The following MACROD2 variants were observed in gnomAD, a reference collection of about 807,000 sequenced individuals.
MACROD2 encodes mono-ADP ribosylhydrolase 2, also known as ADP-ribose glycohydrolase MACROD2.
A neutral mutation model predicts 70.4 loss-of-function variants in MACROD2; 36 were observed. That is an observed-to-expected ratio of 0.51 (90% CI 0.39 to 0.68). The LOEUF (loss-of-function observed/expected upper bound fraction) is 0.68. Among genes scored for constraint, MACROD2 ranks in the 30% least tolerant of loss-of-function variants. The probability of loss-of-function intolerance (pLI) is 0.00; values close to 1 mark genes in which losing one functional copy is unlikely to be tolerated. For missense variants in MACROD2, 496 were observed against 538.4 expected, an observed-to-expected ratio of 0.92 and a Z score of 0.78; for synonymous variants, 172 against 178.8, an observed-to-expected ratio of 0.96 and a Z score of 0.30.
At chr20:15,150,191 G>A (rs528922714) in intron 5 of MACROD2, among the ~76,000 whole-genome samples, 1 of 152,072 alleles carries the variant, frequency 6.6e-6, no homozygotes, top group South Asian at 2.1e-4. Context: ...TATCTGTGAG[G>A]GCTTGCAGCA....
At chr20:14,439,694 T>C (rs140887884) in intron 3 of MACROD2, among the ~76,000 whole-genome samples, 5 of 152,210 alleles carry the variant, frequency 3.3e-5, no homozygotes, top group African/African-American at 1.2e-4. Flanking sequence ...AATTTAATAA[T>C]GTTATTTACT....
intron 10 of MACROD2, among the ~76,000 whole-genome samples, chr20:15,917,061 A>G (rs1388921866): frequency 1.3e-5 from 2 of 152,262 alleles, no homozygotes; most frequent in East Asian, 3.9e-4. Flanking sequence ...AGCCTCCAGG[A>G]TGTAGTTTGC....
chr20:14,119,815 G>A (rs1050676802), intron 3 of MACROD2, among the ~76,000 whole-genome samples: 4 of 152,136 alleles, frequency 2.6e-5, no homozygotes, highest in Admixed American at 2.6e-4. Context: ...AAGACAGTAT[G>A]TTTGGTCTAA....
intron 5 of MACROD2, among the ~76,000 whole-genome samples, chr20:14,976,055 A>C (rs1261028083): frequency 1.3e-5 from 2 of 152,180 alleles, no homozygotes; most frequent in African/African-American, 2.4e-5. Context: ...CTCCGACTTC[A>C]AAATGTCAAG....
chr20:15,593,258 G>A lies in MACROD2; in HGVS notation c.645+93411G>A, dbSNP rs955241465. 3.9e-5 allele frequency among the ~76,000 whole-genome samples: 6 copies of A among 152,166 alleles called. No individual in the cohort carries two copies. The East Asian group carries it at 5.8e-4, about 15-fold the overall frequency. On this transcript the variant is annotated intron_variant, in intron 8 of 17. Transcript: ENST00000684519. ...ACAGGACTTAATTCTGACACCTTGA[G>A]TCTCTCATGGCAGATTGATAAGGAG... is the stretch of plus-strand genomic sequence containing the variant.
intron 8 of MACROD2, among the ~76,000 whole-genome samples, chr20:15,655,473 A>G (rs1355535469): frequency 6.6e-6 from 1 of 152,104 alleles, no homozygotes; most frequent in African/African-American, 2.4e-5. Context: ...TTTGGGGTTT[A>G]GGTGTGGGGA....
intron 7 of MACROD2, among the ~76,000 whole-genome samples, chr20:15,497,170 T>C (rs2047308661): frequency 1.3e-5 from 2 of 152,292 alleles, no homozygotes. Context: ...TTGCTGGTGC[T>C]GAAGTGTATT....
chr20:15,501,417 T>C (rs1349403296), intron 8 of MACROD2, among the ~76,000 whole-genome samples: 1 of 152,218 alleles, frequency 6.6e-6, no homozygotes, highest in Non-Finnish European at 1.5e-5. Flanking sequence ...GAGGATGTAG[T>C]GATGAAGAAT....
At chr20:15,864,907 A>G (rs1047135327) in intron 9 of MACROD2, among the ~76,000 whole-genome samples, 4 of 152,176 alleles carry the variant, frequency 2.6e-5, no homozygotes, top group African/African-American at 9.6e-5. Context: ...TGAAAATTCT[A>G]AATATGCAAT....
chr20:14,014,796 G>GT (rs926405099), intron 2 of MACROD2, among the ~76,000 whole-genome samples: 11 of 151,284 alleles, frequency 7.3e-5, no homozygotes, highest in South Asian at 2.1e-4. Flanking sequence ...TTTTCTTTCT[G>GT]TTTTTTTGTT....
At chr20:15,606,738 C>T (rs924964666) in intron 8 of MACROD2, among the ~76,000 whole-genome samples, 2 of 152,102 alleles carry the variant, frequency 1.3e-5, no homozygotes, top group East Asian at 3.8e-4. Context: ...CGCAGTGGCT[C>T]ATGCTTGTAA....
At chr20:15,539,236 A>G (rs2047921028) in intron 8 of MACROD2, among the ~76,000 whole-genome samples, 3 of 152,218 alleles carry the variant, frequency 2.0e-5, no homozygotes, top group South Asian at 4.1e-4. Flanking sequence ...AGATAAATCC[A>G]TGGTATATTG....
chr20:14,767,790 A>G (rs2072110978), intron 5 of MACROD2, among the ~76,000 whole-genome samples: 2 of 151,846 alleles, frequency 1.3e-5, no homozygotes. Flanking sequence ...TCCGTCCTCT[A>G]GTCCCCCACC....
chr20:15,919,464 C>T (rs1601132435), intron 10 of MACROD2, among the ~76,000 whole-genome samples: 1 of 152,144 alleles, frequency 6.6e-6, no homozygotes, highest in South Asian at 2.1e-4. Flanking sequence ...GGGCCAGGCA[C>T]GGTGGCTCAT....
At chr20:14,450,863 G>A (rs971498706) in intron 3 of MACROD2, among the ~76,000 whole-genome samples, 8 of 152,154 alleles carry the variant, frequency 5.3e-5, no homozygotes, top group East Asian at 3.9e-4. Flanking sequence ...ACAGAAACAG[G>A]AATGAAGAGA....
rs1385302999 is a variant in MACROD2 at position 15,021,222 on chromosome 20, G to GCACACC, written c.419-208718_419-208717insCACACC. Among the ~76,000 whole-genome samples, 8 of 65,994 alleles carry GCACACC rather than the reference G, an allele frequency of 1.2e-4. 1 individual carries two copies. Among genetic ancestry groups the GCACACC allele is most frequent in the South Asian group, 4.4e-4 (1 of 2,284 alleles). The allele number at this position is 65,994 out of a possible 152,430, so 43.3% of individuals were successfully genotyped here. On this transcript the variant is annotated intron_variant, in intron 5 of 17. Coordinates refer to ENST00000684519, the MANE Select transcript of MACROD2 (RefSeq NM_001351661.2). Reference sequence around the variant, plus strand: ...CCTGTGTGTATGTATACACATACAGGTGTGCGTATACACACACCTGTGTGT... The same window carrying GCACACC: ...CCTGTGTGTATGTATACACATACAGGCACACCTGTGCGTATACACACACCTGTGTGT...
intron 4 of MACROD2, among the ~76,000 whole-genome samples, chr20:14,662,647 A>G (rs1023617190): frequency 6.6e-5 from 10 of 152,202 alleles, no homozygotes; most frequent in Admixed American, 1.3e-4. Flanking sequence ...TACAAGGGAA[A>G]AACAACCCCA....
chr20:14,301,911 C>G (rs888868988), intron 3 of MACROD2, among the ~76,000 whole-genome samples: 1 of 152,096 alleles, frequency 6.6e-6, no homozygotes, highest in Non-Finnish European at 1.5e-5. Context: ...ACTGTGAAAT[C>G]TGTAAGTTCT....
intron 7 of MACROD2, among the ~76,000 whole-genome samples, chr20:15,454,406 A>AACACACACACACACACAC (rs10523169): frequency 3.6e-4 from 49 of 137,528 alleles, no homozygotes; most frequent in African/African-American, 1.1e-3. Context: ...GACATATTCA[A>AACACACACACACACACAC]ACACACACAC....
Sources: allele counts gnomAD v4.1 joint callset (sites outside exome capture counted in the v4.1 genomes callset), GRCh38; gene constraint gnomAD v4.1.1; transcripts MANE v1.5; gene names NCBI Gene and HGNC (gene_info 2026-07-23, HGNC 2026-07-21).